The following CTNNA3 variants were observed in gnomAD, a reference collection of about 807,000 sequenced individuals.
CTNNA3 encodes catenin alpha 3.
Under a neutral mutation model 95.7 loss-of-function variants are expected in CTNNA3, and 76 were observed. That is an observed-to-expected ratio of 0.79 (90% CI 0.66 to 0.96). CTNNA3 has a LOEUF of 0.96. CTNNA3 is among the 40% of genes least tolerant of loss of function. CTNNA3 has a pLI of 0.00. For missense variants in CTNNA3, 1,191 were observed against 1,089.8 expected (o/e 1.09, Z -1.31); for synonymous variants, 431 against 374.4 (o/e 1.15, Z -1.74).
chr10:67,301,318 C>T (rs558005541), intron 5 of CTNNA3, among the ~76,000 whole-genome samples: 1 of 152,000 alleles, frequency 6.6e-6, no homozygotes, highest in African/African-American at 2.4e-5. Flanking sequence ...CACCTCATAC[C>T]TGTTAGAATG....
chr10:67,436,142 C>A (rs970778423), intron 5 of CTNNA3, among the ~76,000 whole-genome samples: 1 of 152,050 alleles, frequency 6.6e-6, no homozygotes, highest in Non-Finnish European at 1.5e-5. Context: ...ACTAATGGAA[C>A]AGAATAGAGA....
At chr10:67,374,234 G>T (rs1356905861) in intron 5 of CTNNA3, among the ~76,000 whole-genome samples, 1 of 152,040 alleles carries the variant, frequency 6.6e-6, no homozygotes, top group Admixed American at 6.6e-5. Context: ...AGCAGCCACA[G>T]ACAATAAGTA....
intron 3 of CTNNA3, among the ~76,000 whole-genome samples, chr10:67,543,694 G>C (rs1348936914): frequency 6.6e-6 from 1 of 152,022 alleles, no homozygotes; most frequent in African/African-American, 2.4e-5. Context: ...ATGGTAAAAG[G>C]TTTATATCAT....
intron 15 of CTNNA3, among the ~76,000 whole-genome samples, chr10:66,022,309 A>G (rs2079235470): frequency 6.6e-6 from 1 of 152,216 alleles, no homozygotes; most frequent in East Asian, 1.9e-4. Context: ...AGCTTTAAAC[A>G]AAAGTTATAT....
At chr10:67,163,751 T>C (rs1053483507) in intron 7 of CTNNA3, among the ~76,000 whole-genome samples, 1 of 151,836 alleles carries the variant, frequency 6.6e-6, no homozygotes, top group Admixed American at 6.6e-5. Flanking sequence ...AAAACGACAA[T>C]AATAACAATT....
chr10:66,794,051 T>A (rs1327173301), intron 7 of CTNNA3, among the ~76,000 whole-genome samples: 1 of 152,192 alleles, frequency 6.6e-6, no homozygotes, highest in Non-Finnish European at 1.5e-5. Context: ...GTTTTAATAC[T>A]AAGCATTTAA....
At chr10:66,371,562 G>A (rs756074422) in intron 12 of CTNNA3, among the ~76,000 whole-genome samples, 1 of 152,170 alleles carries the variant, frequency 6.6e-6, no homozygotes, top group Non-Finnish European at 1.5e-5. Context: ...ATGGATGCAA[G>A]TAGTTCCATT....
chr10:66,320,086 G>A (rs747409040), intron 12 of CTNNA3, among the ~76,000 whole-genome samples: 12 of 152,020 alleles, frequency 7.9e-5, no homozygotes, highest in East Asian at 5.8e-4. Flanking sequence ...GAGCTTTTAC[G>A]CAGCATTGCA....
intron 13 of CTNNA3, among the ~76,000 whole-genome samples, chr10:66,163,543 C>T (rs538427506): frequency 1.1e-4 from 16 of 152,248 alleles, no homozygotes; most frequent in African/African-American, 3.6e-4. Flanking sequence ...TCAGTTAGGA[C>T]ACTCACAGTA....
At chr10:67,191,948 A>G (rs541378710) in intron 6 of CTNNA3, among the ~76,000 whole-genome samples, 1 of 152,048 alleles carries the variant, frequency 6.6e-6, no homozygotes, top group Admixed American at 6.6e-5. Context: ...ACACATATAC[A>G]GTCAACTAAT....
At chr10:65,955,813 C>T (rs1028889364) in intron 17 of CTNNA3, among the ~76,000 whole-genome samples, 12 of 152,124 alleles carry the variant, frequency 7.9e-5, no homozygotes, top group African/African-American at 2.9e-4. Context: ...AGGATTTTGG[C>T]ATCAATGTTC....
intron 12 of CTNNA3, among the ~76,000 whole-genome samples, chr10:66,374,268 T>C (rs1166234223): frequency 2.6e-5 from 4 of 152,292 alleles, no homozygotes; most frequent in African/African-American, 7.2e-5. Flanking sequence ...AAACATTAAC[T>C]AGAGGACAAG....
chr10:66,012,003 G>T (rs768062176), intron 15 of CTNNA3, among the ~76,000 whole-genome samples: 15 of 152,092 alleles, frequency 9.9e-5, no homozygotes, highest in Non-Finnish European at 1.5e-4. Context: ...AGACCATTTT[G>T]GGAACAGACT....
chr10:66,367,884 ATT>A (rs2092724305), intron 12 of CTNNA3, among the ~76,000 whole-genome samples: 162 of 20,588 alleles, frequency 7.9e-3, no homozygotes, highest in African/African-American at 0.033. Flanking sequence ...AATAATAATT[ATT>A]ATTATTATTA....
intron 13 of CTNNA3, among the ~76,000 whole-genome samples, chr10:66,241,938 G>A (rs2090128996): frequency 6.6e-6 from 1 of 152,078 alleles, no homozygotes; most frequent in Non-Finnish European, 1.5e-5. Context: ...CCTTGGAGCT[G>A]CCAGTTTTTC....
chr10:66,018,467 A>G (rs2079138397), intron 15 of CTNNA3, among the ~76,000 whole-genome samples: 1 of 152,120 alleles, frequency 6.6e-6, no homozygotes. Flanking sequence ...TCACCCTCAG[A>G]TAAACATCCA....
At chr10:67,024,312 AT>A (rs1853217775) in intron 7 of CTNNA3, among the ~76,000 whole-genome samples, 1 of 151,944 alleles carries the variant, frequency 6.6e-6, no homozygotes, top group African/African-American at 2.4e-5. Flanking sequence ...CTGTCTTTAT[AT>A]TTTTTCTCTC....
At chr10:66,482,709 T>C (rs904096399) in intron 11 of CTNNA3, among the ~76,000 whole-genome samples, 12 of 152,298 alleles carry the variant, frequency 7.9e-5, no homozygotes, top group African/African-American at 2.9e-4. Context: ...AGTCAAAAAC[T>C]TCAGCAAATG....
At chr10:65,997,764 C>T (rs1044517427) in intron 15 of CTNNA3, among the ~76,000 whole-genome samples, 1 of 152,126 alleles carries the variant, frequency 6.6e-6, no homozygotes, top group Non-Finnish European at 1.5e-5. Flanking sequence ...TGCCTGTAAT[C>T]CCAGCACTTT....
Sources: gnomAD v4.1 joint callset for allele counts (sites outside exome capture counted in the v4.1 genomes callset) on GRCh38, gnomAD v4.1.1 for gene constraint, MANE v1.5 for transcripts, NCBI Gene and HGNC (gene_info 2026-07-23, HGNC 2026-07-21) for gene names.